The following MLIP variants were observed in gnomAD, a reference collection of about 807,000 sequenced individuals.
The protein encoded by MLIP is muscular LMNA-interacting protein.
A neutral mutation model predicts 84.8 loss-of-function variants in MLIP; 79 were observed. The observed-to-expected ratio is 0.93, with a 90% confidence interval of 0.78 to 1.12. The LOEUF is 1.12. MLIP is among the 50% of genes most tolerant of loss of function. The pLI, the probability that MLIP is intolerant of heterozygous loss-of-function variation, is 0.00. For synonymous variants in MLIP, 504 were observed against 463.0 expected, an observed-to-expected ratio of 1.09 and a Z score of -1.14; for missense variants, 1,257 against 1,160.6, an observed-to-expected ratio of 1.08 and a Z score of -1.21.
intron 5 of MLIP, among the ~76,000 whole-genome samples, chr6:54,150,519 G>A (rs1011775526): frequency 9.2e-5 from 14 of 152,306 alleles, no homozygotes; most frequent in African/African-American, 2.9e-4. Context: ...GGTCACAAGT[G>A]TGTGCTTTCA....
intron 9 of MLIP, among the ~76,000 whole-genome samples, chr6:54,187,705 A>AAATAC (rs1255880240): frequency 6.6e-6 from 1 of 152,342 alleles, no homozygotes; most frequent in East Asian, 1.9e-4. Flanking sequence ...AGAAGGCCCA[A>AAATAC]AATACAGTCA....
rs191097775 is a variant in MLIP, at chr6:54,146,875, G to C, written c.2218-2181G>C. Reference sequence around the variant, plus strand: ...TTTGTAGATATGTGCATAGTTGTTGGGATAAAGTGCCTGTGTCCAAATTCC... The same window carrying C: ...TTTGTAGATATGTGCATAGTTGTTGCGATAAAGTGCCTGTGTCCAAATTCC... On this transcript the variant is annotated intron_variant, in intron 4 of 13. Transcript: ENST00000502396. Among the ~76,000 whole-genome samples, 272 of 152,250 alleles carry C rather than the reference G, an allele frequency of 1.8e-3. 1 individual carries two copies. Among genetic ancestry groups the C allele is most frequent in the African/African-American group, 6.2e-3 (257 of 41,564 alleles).
At chr6:54,185,578 G>A (rs1777312244) in intron 9 of MLIP, among the ~76,000 whole-genome samples, 1 of 151,914 alleles carries the variant, frequency 6.6e-6, no homozygotes, top group Non-Finnish European at 1.5e-5. Context: ...GAATTATTTA[G>A]TACAATATAC....
intron 12 of MLIP, among the ~76,000 whole-genome samples, chr6:54,239,222 C>T (rs1367132945): frequency 6.6e-6 from 1 of 151,848 alleles, no homozygotes; most frequent in African/African-American, 2.4e-5. Flanking sequence ...AGCCTGAACA[C>T]TCTCACTCGC....
intron 3 of MLIP, 26 bp downstream of exon 3, chr6:54,124,891 TA>T (rs1770789055): frequency 2.6e-6 from 4 of 1,525,488 alleles, no homozygotes; most frequent in Non-Finnish European, 3.5e-6. Context: ...CTGCTGTCCA[TA>T]AGGAAAAAAA....
rs113513081 is a variant in MLIP at position 54,213,170 on chromosome 6, T to A, written c.2718+10937T>A. Among the ~76,000 whole-genome samples, 76 of 152,316 alleles carry A rather than the reference T, an allele frequency of 5.0e-4. 2 individuals are homozygous for A. Among genetic ancestry groups the A allele is most frequent in the African/African-American group, 1.8e-3 (75 of 41,574 alleles). ...TTTTAAATCTCTCTCTGGAAAGTGA[T>A]GTGAGACTTAAAAAGACTCTGTATA... On this transcript the variant is annotated intron_variant, in intron 11 of 13. Transcript: ENST00000502396.
chr6:54,232,042 A>G (rs1037029970), intron 12 of MLIP, among the ~76,000 whole-genome samples: 2 of 152,168 alleles, frequency 1.3e-5, no homozygotes, highest in Non-Finnish European at 2.9e-5. Context: ...GCAACATTCA[A>G]TATGACATTT....
At chr6:54,121,733 T>C (rs990751362) in intron 2 of MLIP, 131 bp downstream of exon 2, 3 of 683,824 alleles carry the variant, frequency 4.4e-6, no homozygotes, top group African/African-American at 1.8e-5. Flanking sequence ...ACTAAAAATA[T>C]AATAATGCAA....
rs142872232 is a variant in MLIP, at chr6:54,178,176, T to G, written c.2544+8604T>G. On this transcript the variant is annotated intron_variant, in intron 9 of 13. Coordinates refer to ENST00000502396, the MANE Select transcript of MLIP (RefSeq NM_001281747.2). ...CATTTACATGGGGAACTAATCTGCA[T>G]GTCCTGCACATGTATCTTGAAACTT... Among the ~76,000 whole-genome samples, 77 of 152,160 alleles carry G rather than the reference T, an allele frequency of 5.1e-4. 1 individual carries two copies. The highest frequency in any genetic ancestry group is 9.8e-4 in the Admixed American group (15 of 15,270).
chr6:54,135,698 G>A (rs926425561), intron 3 of MLIP, among the ~76,000 whole-genome samples: 3 of 151,988 alleles, frequency 2.0e-5, no homozygotes, highest in African/African-American at 7.2e-5. Context: ...AGACATGCAT[G>A]TTTATTATTT....
chr6:54,219,446 T>C (rs1780083636), intron 11 of MLIP, among the ~76,000 whole-genome samples: 1 of 149,024 alleles, frequency 6.7e-6, no homozygotes, highest in Admixed American at 6.8e-5. Context: ...GACATCACTC[T>C]GCAATAGGAA....
chr6:54,252,230 CATATA>C (rs1465018081), intron 12 of MLIP, among the ~76,000 whole-genome samples: 4 of 96,572 alleles, frequency 4.1e-5, no homozygotes, highest in Non-Finnish European at 6.9e-5. Context: ...TATATTATAA[CATATA>C]ATATATAAGT....
At chr6:54,089,212 A>G (rs989002454) in intron 1 of MLIP, among the ~76,000 whole-genome samples, 13 of 152,192 alleles carry the variant, frequency 8.5e-5, no homozygotes, top group African/African-American at 2.7e-4. Context: ...ATATGTAGCC[A>G]TGCTGGGTTA....
intron 1 of MLIP, among the ~76,000 whole-genome samples, chr6:54,048,944 C>T (rs535815998): frequency 6.6e-5 from 10 of 152,116 alleles, no homozygotes; most frequent in Non-Finnish European, 1.5e-4. Flanking sequence ...GAGAAGAAGT[C>T]AGAGATAGAG....
At chr6:54,096,613 C>T (rs1257537497) in intron 1 of MLIP, among the ~76,000 whole-genome samples, 1 of 152,094 alleles carries the variant, frequency 6.6e-6, no homozygotes, top group Non-Finnish European at 1.5e-5. Context: ...TTAGGGAGCT[C>T]CTAAGCTCCT....
At chr6:54,035,820 T>G (rs1016409102) in intron 1 of MLIP, among the ~76,000 whole-genome samples, 34 of 152,062 alleles carry the variant, frequency 2.2e-4, no homozygotes, top group African/African-American at 7.7e-4. Context: ...GTTTTTGTTT[T>G]CTTCTTGTTA....
At chr6:54,168,412 C>T (rs12213850) in intron 8 of MLIP, among the ~76,000 whole-genome samples, 36,146 of 151,658 alleles carry the variant, frequency 0.24, 5,292 homozygotes, top group Middle Eastern at 0.33. Context: ...TATCTGGAAG[C>T]GTATATTACC....
rs1215984741 is a variant in MLIP at position 54,079,258 on chromosome 6, C to G, written c.64-42189C>G. ...AGTTAGACAATCCTCATGGGTGAAT[C>G]TGTTTAGGTAGAGTATCTACTCCTA... On this transcript the variant is annotated intron_variant, in intron 1 of 12. Coordinates refer to the MLIP transcript ENST00000274897. Among the ~76,000 whole-genome samples the G allele has an allele frequency of 5.3e-5, 8 of 152,210 alleles. No homozygotes were observed. The East Asian group carries it at 9.7e-4, about 18-fold the overall frequency.
At chr6:54,029,938 T>C (rs1764030520) in intron 1 of MLIP, among the ~76,000 whole-genome samples, 1 of 152,170 alleles carries the variant, frequency 6.6e-6, no homozygotes, top group Non-Finnish European at 1.5e-5. Flanking sequence ...ATGACTTGCC[T>C]CACAGAGCTG....
Sources: allele counts gnomAD v4.1 joint callset (sites outside exome capture counted in the v4.1 genomes callset), GRCh38; gene constraint gnomAD v4.1.1; transcripts MANE v1.5; gene names NCBI Gene and HGNC (gene_info 2026-07-23, HGNC 2026-07-21).